The following GRIN2B variants were observed in gnomAD, a reference collection of about 807,000 sequenced individuals.
GRIN2B encodes glutamate receptor ionotropic, NMDA 2B.
Under a neutral mutation model 114.5 loss-of-function variants are expected in GRIN2B, and 5 were observed. The ratio of observed to expected loss-of-function variants is 0.04; its 90% confidence interval spans 0.02 to 0.09. The LOEUF (loss-of-function observed/expected upper bound fraction) is 0.09, where lower values mean the gene tolerates loss of function less well. Among genes scored for constraint, GRIN2B ranks in the 10% least tolerant of loss-of-function variants. The probability of loss-of-function intolerance (pLI) is 1.00; values close to 1 mark genes in which losing one functional copy is unlikely to be tolerated. For missense variants in GRIN2B, 1,108 were observed against 1,943.5 expected (o/e 0.57, Z 8.08); for synonymous variants, 787 against 745.1 (o/e 1.06, Z -0.92).
rs1247713063 is a variant in GRIN2B at position 13,562,453 on chromosome 12, C to T, written c.*330G>A. On this transcript the variant is annotated 3_prime_UTR_variant, in exon 14 of 14. Transcript: ENST00000609686. ...TTCACTCAAAGAGGATATCAAGGAG[C>T]TCTTCCACACCAGGAGGAAGCCCGC... 1.2e-5 allele frequency: 4 copies of T among 327,514 alleles called. No individual in the cohort carries two copies. The highest frequency in any genetic ancestry group is 1.2e-4 in the East Asian group (2 of 16,622). The allele number at this position is 327,514 out of a possible 1,614,324, so 20.3% of individuals were successfully genotyped here. A position where few individuals can be genotyped will look rare whatever the true frequency, so the allele number is the denominator to read the frequency against.
intron 3 of GRIN2B, among the ~76,000 whole-genome samples, chr12:13,774,811 C>T (rs1209261349): frequency 2.0e-5 from 3 of 152,070 alleles, no homozygotes; most frequent in Non-Finnish European, 2.9e-5. Context: ...GGAAATTATC[C>T]TTGATCAAAT....
chr12:13,632,435 G>A lies in GRIN2B; in HGVS notation c.1126-15778C>T, dbSNP rs1455713880. 2.6e-5 allele frequency among the ~76,000 whole-genome samples: 4 copies of A among 152,164 alleles called. No individual in the cohort carries two copies. In the South Asian group the frequency reaches 6.2e-4, roughly 24 times the overall value. On this transcript the variant is annotated intron_variant, in intron 5 of 13. Transcript: ENST00000609686. ...ATATTAAGTGTAATGTGTACTCTTCGGGCTCAGGTGTGACTTTATGAGTAA... is the reference window on the plus strand; with the variant it reads ...ATATTAAGTGTAATGTGTACTCTTCAGGCTCAGGTGTGACTTTATGAGTAA...
At chr12:13,799,675 A>G (rs1864472085) in intron 3 of GRIN2B, among the ~76,000 whole-genome samples, 1 of 152,014 alleles carries the variant, frequency 6.6e-6, no homozygotes, top group African/African-American at 2.4e-5. Context: ...CAGCTGCAGT[A>G]CATAATAACA....
At position 13,688,020 on chromosome 12, in the gene GRIN2B, C is replaced by T. The variant is rs540938136; in HGVS notation, c.1011-12161G>A. 5.1e-4 allele frequency among the ~76,000 whole-genome samples: 77 copies of T among 152,240 alleles called. 1 individual carries two copies. In the South Asian group the frequency reaches 7.9e-3, roughly 16 times the overall value. On this transcript the variant is annotated intron_variant, in intron 4 of 13. Transcript: ENST00000609686. Reference sequence around the variant, plus strand: ...CACATGCCTAGCCTTGTTTTTGGTGCTTTACATTATTTTACATTCTCACAT... The same window carrying T: ...CACATGCCTAGCCTTGTTTTTGGTGTTTTACATTATTTTACATTCTCACAT...
chr12:13,796,781 C>T (rs1355331918), intron 3 of GRIN2B, among the ~76,000 whole-genome samples: 1 of 152,142 alleles, frequency 6.6e-6, no homozygotes, highest in Admixed American at 6.5e-5. Flanking sequence ...ATCCAAACTT[C>T]TCATTTTGAC....
chr12:13,899,425 G>A (rs1866407965), intron 2 of GRIN2B, among the ~76,000 whole-genome samples: 1 of 105,956 alleles, frequency 9.4e-6, no homozygotes, highest in Non-Finnish European at 2.7e-5. Flanking sequence ...TAATCGTAGG[G>A]CAATCGGGGA....
intron 3 of GRIN2B, among the ~76,000 whole-genome samples, chr12:13,850,101 C>T (rs919440172): frequency 6.6e-6 from 1 of 152,154 alleles, no homozygotes; most frequent in Non-Finnish European, 1.5e-5. Context: ...AACACCAACA[C>T]TGACTGGTAA....
At position 13,539,461 on chromosome 12, in the gene GRIN2B, TG is replaced by T. The variant is rs1948251027; in HGVS notation, c.*23321del. On this transcript the variant is annotated 3_prime_UTR_variant, in exon 14 of 14. Transcript: ENST00000609686. ...AAGGGGGAGATACTATTATTTAACT[TG>T]GATAATTTAGCAATCAAGGTATAGA... 6.6e-6 allele frequency: 1 copy of T among 152,216 alleles called. No homozygotes were observed. Among genetic ancestry groups the T allele is most frequent in the Non-Finnish European group, 1.5e-5 (1 of 68,032 alleles). The allele number at this position is 152,216 out of a possible 1,614,324, so 9.4% of individuals were successfully genotyped here.
At chr12:13,936,048 C>T (rs1867124380) in intron 2 of GRIN2B, among the ~76,000 whole-genome samples, 1 of 152,076 alleles carries the variant, frequency 6.6e-6, no homozygotes, top group Non-Finnish European at 1.5e-5. Context: ...GCTAAAAAGG[C>T]TAGAATCTGC....
intron 3 of GRIN2B, among the ~76,000 whole-genome samples, chr12:13,805,433 T>A (rs1270633739): frequency 2.6e-5 from 4 of 152,144 alleles, no homozygotes; most frequent in Non-Finnish European, 5.9e-5. Context: ...ATTGTTCTTT[T>A]CCTTGAAAGT....
chr12:13,937,815 C>A (rs1322584316), intron 2 of GRIN2B, among the ~76,000 whole-genome samples: 1 of 152,110 alleles, frequency 6.6e-6, no homozygotes, highest in African/African-American at 2.4e-5. Flanking sequence ...GGACAACAAT[C>A]ATACTAAAGA....
chr12:13,963,156 T>A (rs1182308100), intron 2 of GRIN2B, among the ~76,000 whole-genome samples: 1 of 152,144 alleles, frequency 6.6e-6, no homozygotes, highest in Non-Finnish European at 1.5e-5. Context: ...TTTTAAAAAA[T>A]TTCCCTCTTT....
chr12:13,614,470 C>T lies in GRIN2B; in HGVS notation c.1654+644G>A, dbSNP rs200772780. Among the ~76,000 whole-genome samples, 19 of 152,186 alleles carry T rather than the reference C, an allele frequency of 1.2e-4. No homozygotes were observed. The East Asian group carries it at 2.3e-3, about 19-fold the overall frequency. ...ATATGGGGTATGAGCTCACAAAAGACCTCATCTAATTGAAATCTTGGCCTC... is the reference window on the plus strand; with the variant it reads ...ATATGGGGTATGAGCTCACAAAAGATCTCATCTAATTGAAATCTTGGCCTC... On this transcript the variant is annotated intron_variant, in intron 8 of 13. Transcript: ENST00000609686.
intron 2 of GRIN2B, among the ~76,000 whole-genome samples, chr12:13,885,037 T>C (rs949693352): frequency 4.6e-5 from 7 of 152,118 alleles, no homozygotes; most frequent in South Asian, 2.1e-4. Flanking sequence ...TAGCTATTCG[T>C]GTAGAAGATA....
chr12:13,715,291 A>C (rs1950445459), intron 4 of GRIN2B, among the ~76,000 whole-genome samples: 1 of 151,938 alleles, frequency 6.6e-6, no homozygotes, highest in Admixed American at 6.6e-5. Flanking sequence ...AGAATAGTGC[A>C]GACATGGCAG....
intron 10 of GRIN2B, among the ~76,000 whole-genome samples, chr12:13,575,193 G>A (rs1039609256): frequency 3.9e-5 from 6 of 152,084 alleles, no homozygotes; most frequent in African/African-American, 1.2e-4. Context: ...AAAGGTAAAC[G>A]ATAAATTGGA....
intron 4 of GRIN2B, among the ~76,000 whole-genome samples, chr12:13,695,733 G>A (rs920263045): frequency 2.1e-4 from 32 of 152,128 alleles, no homozygotes; most frequent in Non-Finnish European, 7.4e-5. Context: ...GGGCAGATAA[G>A]TGATCCAATT....
chr12:13,842,101 C>T (rs1173897933), intron 3 of GRIN2B, among the ~76,000 whole-genome samples: 2 of 152,020 alleles, frequency 1.3e-5, no homozygotes, highest in East Asian at 1.9e-4. Context: ...GGAGGCTTGA[C>T]GAAGGGACTG....
intron 1 of GRIN2B, among the ~76,000 whole-genome samples, chr12:13,980,986 GC>G (rs1317784069): frequency 5.3e-5 from 8 of 152,082 alleles, no homozygotes; most frequent in Non-Finnish European, 1.2e-4. Flanking sequence ...TCACGCTGCC[GC>G]CGCGCTGAGG....
Sources: allele counts gnomAD v4.1 joint callset (sites outside exome capture counted in the v4.1 genomes callset), GRCh38; gene constraint gnomAD v4.1.1; transcripts MANE v1.5; gene names NCBI Gene and HGNC (gene_info 2026-07-23, HGNC 2026-07-21).